Variants in SYCP2L observed in about 807,000 individuals in gnomAD.
The protein encoded by SYCP2L is synaptonemal complex protein 2 like.
SYCP2L carries 98 observed loss-of-function variants against 125.8 expected under a neutral mutation model. The observed-to-expected ratio is 0.78, with a 90% CI of 0.66 to 0.92. The LOEUF (loss-of-function observed/expected upper bound fraction) is 0.92, where lower values mean the gene tolerates loss of function less well. Among genes scored for constraint, SYCP2L ranks in the 40% least tolerant of loss-of-function variants. SYCP2L has a pLI of 0.00. For missense variants in SYCP2L, 842 were observed against 936.4 expected (o/e 0.90, Z 1.32); for synonymous variants, 317 against 325.4 (o/e 0.97, Z 0.28).
At chr6:10,889,187 G>A (rs1780134582) in intron 1 of SYCP2L, among the ~76,000 whole-genome samples, 1 of 152,152 alleles carries the variant, frequency 6.6e-6, no homozygotes, top group African/African-American at 2.4e-5. Flanking sequence ...TGTAGCTTTA[G>A]CTGTTCCTCC....
At chr6:10,940,954 G>A (rs534149694) in intron 21 of SYCP2L, among the ~76,000 whole-genome samples, 6 of 152,248 alleles carry the variant, frequency 3.9e-5, no homozygotes, top group African/African-American at 9.6e-5. Context: ...TTAAGGTGCC[G>A]ATCTAGTTGA....
At position 10,926,315 on chromosome 6, in the gene SYCP2L, GTTGACCT is replaced by G; in HGVS notation, c.1219-20_1219-14del. On this transcript the variant is annotated splice_polypyrimidine_tract_variant and intron_variant, in intron 15 of 29. Transcript: ENST00000283141. ...TTTTTAAAGATGACTACATTTCAAA[GTTGACCT>G]TTGTCTTGCATTTCAGATGTTGCCT... 6.5e-7 allele frequency: 1 copy of G among 1,549,758 alleles called. No individual in the cohort carries two copies. Among genetic ancestry groups the G allele is most frequent in the African/African-American group, 1.4e-5 (1 of 72,682 alleles).
chr6:10,933,330 A>T (rs912339537), intron 20 of SYCP2L, among the ~76,000 whole-genome samples: 9 of 152,226 alleles, frequency 5.9e-5, no homozygotes, highest in Non-Finnish European at 1.2e-4. Flanking sequence ...GAATGGAAAC[A>T]CATGGGTATG....
At chr6:10,971,421 G>A (rs1265438042) in intron 29 of SYCP2L, among the ~76,000 whole-genome samples, 1 of 143,598 alleles carries the variant, frequency 7.0e-6, no homozygotes, top group Admixed American at 7.2e-5. Context: ...TCGTGCCACT[G>A]CATTCCAGCC....
chr6:10,907,713 A>G lies in SYCP2L; in HGVS notation c.819+29A>G, dbSNP rs758492203. 5.0e-6 allele frequency: 8 copies of G among 1,606,298 alleles called. No individual in the cohort carries two copies. The South Asian group carries it at 5.5e-5, about 11-fold the overall frequency. On this transcript the variant is annotated intron_variant, in intron 10 of 29. Coordinates refer to ENST00000283141, the MANE Select transcript of SYCP2L (RefSeq NM_001040274.3). ...AGATTCCTGGCCATGCGAATTTCTT[A>G]TTAGCCAATATTTATTAAGCATCCG...
chr6:10,944,100 C>A (rs1781269972), intron 23 of SYCP2L, among the ~76,000 whole-genome samples: 2 of 152,072 alleles, frequency 1.3e-5, no homozygotes, highest in African/African-American at 4.8e-5. Flanking sequence ...ATATGTATAC[C>A]TTTAACAATT....
intron 10 of SYCP2L, among the ~76,000 whole-genome samples, chr6:10,907,890 A>AT (rs1780526128): frequency 3.3e-5 from 1 of 30,264 alleles, no homozygotes; most frequent in Non-Finnish European, 6.7e-5. Flanking sequence ...GGATACAGAT[A>AT]GGTTTTTTTT....
At chr6:10,910,795 T>C (rs1194635490) in intron 11 of SYCP2L, 29 bp from the exon 12 acceptor site, 2 of 1,613,160 alleles carry the variant, frequency 1.2e-6, no homozygotes, top group Non-Finnish European at 1.7e-6. Context: ...ATTCATGTTT[T>C]ATTTTTTTAA....
intron 23 of SYCP2L, 21 bp downstream of exon 23, chr6:10,942,767 T>C: frequency 1.9e-6 from 3 of 1,581,230 alleles, no homozygotes; most frequent in Non-Finnish European, 2.6e-6. Flanking sequence ...AGTACTTTTT[T>C]TTTTTTTTTT....
At chr6:10,967,457 GTGTGTGTGTGTGTGTGT>G (rs1781701954) in intron 29 of SYCP2L, among the ~76,000 whole-genome samples, 3 of 134,238 alleles carry the variant, frequency 2.2e-5, no homozygotes, top group South Asian at 2.3e-4. Context: ...GGTAGAGGGT[GTGTGTGTGTGTGTGTGT>G]GTGTGTGTGT....
intron 29 of SYCP2L, among the ~76,000 whole-genome samples, chr6:10,966,110 C>T (rs1047799782): frequency 1.5e-5 from 2 of 136,710 alleles, no homozygotes; most frequent in Admixed American, 7.8e-5. Flanking sequence ...AATACTCTGT[C>T]TCAATAATAA....
intron 29 of SYCP2L, among the ~76,000 whole-genome samples, chr6:10,967,100 A>G (rs946870363): frequency 4.6e-5 from 7 of 152,132 alleles, no homozygotes; most frequent in African/African-American, 1.4e-4. Flanking sequence ...GAAATGAACA[A>G]TTTCCTAGAT....
In SYCP2L at chr6:10,927,225, T is replaced by C; in HGVS notation, c.1313-15T>C. On this transcript the variant is annotated splice_polypyrimidine_tract_variant and intron_variant, in intron 16 of 29. Transcript: ENST00000283141. ...TGCACGGTTATTATATTAGTCTTTT[T>C]CTTAATTTGTATAGAGCAGGCAGAA... The C allele has an allele frequency of 6.2e-7, 1 of 1,613,586 alleles. No homozygotes were observed. The highest frequency in any genetic ancestry group is 1.3e-5 in the African/African-American group (1 of 74,998).
At chr6:10,892,485 G>T (rs1053270267) in intron 2 of SYCP2L, among the ~76,000 whole-genome samples, 4 of 152,162 alleles carry the variant, frequency 2.6e-5, no homozygotes, top group African/African-American at 9.7e-5. Context: ...TTTTTGTAGA[G>T]ACTGGGTCTC....
chr6:10,911,893 G>GCTTTC lies in SYCP2L; in HGVS notation c.919-776_919-775insCCTTT, dbSNP rs1329978597. ...TTTTATCTGTTGTTGGGGAATAAAA[G>GCTTTC]CTTTTTTTTTTTTTTTTTTTTTTTT... On this transcript the variant is annotated intron_variant, in intron 12 of 29. Transcript: ENST00000283141. Among the ~76,000 whole-genome samples, 18 of 91,122 alleles carry GCTTTC rather than the reference G, an allele frequency of 2.0e-4. 1 individual carries two copies. Among genetic ancestry groups the GCTTTC allele is most frequent in the Non-Finnish European group, 3.4e-4 (17 of 50,468 alleles). 59.8% of individuals were successfully genotyped at this position (91,122 alleles called of 152,430 possible). A position where few individuals can be genotyped will look rare whatever the true frequency, so the allele number is the denominator to read the frequency against.
At chr6:10,963,961 ATTTT>A (rs149829365) in intron 29 of SYCP2L, 118 bp downstream of exon 29, 386 of 477,440 alleles carry the variant, frequency 8.1e-4, no homozygotes, top group East Asian at 3.7e-3. Flanking sequence ...GAACTTCTCC[ATTTT>A]TTTTTTTTTT....
At chr6:10,920,173 G>GT (rs1371768227) in intron 14 of SYCP2L, among the ~76,000 whole-genome samples, 6 of 152,094 alleles carry the variant, frequency 3.9e-5, no homozygotes, top group African/African-American at 1.4e-4. Context: ...GGGGGTGCCT[G>GT]GTTTGGTTCA....
rs935092137 is a variant in SYCP2L at position 10,963,675 on chromosome 6, A to G, written c.2415-107A>G. 21 of 1,096,038 alleles carry G rather than the reference A, an allele frequency of 1.9e-5. No homozygotes were observed. In the Middle Eastern group the frequency reaches 8.2e-4, roughly 43 times the overall value. 67.9% of individuals were successfully genotyped at this position (1,096,038 alleles called of 1,614,324 possible). A position where few individuals can be genotyped will look rare whatever the true frequency, so the allele number is the denominator to read the frequency against. Reference sequence around the variant, plus strand: ...GTGTTGGTGTCTATAATTAAGTAATATAATGGTCTGTGAAATAACTCTGAT... The same window carrying G: ...GTGTTGGTGTCTATAATTAAGTAATGTAATGGTCTGTGAAATAACTCTGAT... On this transcript the variant is annotated intron_variant, in intron 28 of 29. Transcript: ENST00000283141.
At chr6:10,891,613 C>CTGTGTGTG (rs3066124) in intron 2 of SYCP2L, 32 bp downstream of exon 2, 36 of 119,508 alleles carry the variant, frequency 3.0e-4, no homozygotes, top group African/African-American at 1.3e-3. Context: ...TAATCTCTCT[C>CTGTGTGTG]TGTGTGTGTG....
Sources: gnomAD v4.1 joint callset for allele counts (sites outside exome capture counted in the v4.1 genomes callset) on GRCh38, gnomAD v4.1.1 for gene constraint, MANE v1.5 for transcripts, NCBI Gene and HGNC (gene_info 2026-07-23, HGNC 2026-07-21) for gene names.